Variants in DTNB observed in about 807,000 individuals in gnomAD.
The protein encoded by DTNB is DTN-B.
A neutral mutation model predicts 90.7 loss-of-function variants in DTNB; 63 were observed. The ratio of observed to expected loss-of-function variants is 0.69; its 90% CI spans 0.57 to 0.86. DTNB has a LOEUF of 0.86. Among genes scored for constraint, DTNB ranks in the 40% least tolerant of loss-of-function variants. The pLI, the probability that DTNB is intolerant of heterozygous loss-of-function variation, is 0.00. For missense variants in DTNB, 744 were observed against 807.1 expected (o/e 0.92, Z 0.95); for synonymous variants, 277 against 286.7 (o/e 0.97, Z 0.34).
Position 25,387,301 on chromosome 2 carries a change from C to T in DTNB, c.1813G>A (p.Glu605Lys). ...CTCTGGGTTTCACCTGAATGGAGCT[C>T]CTTCACCAGGGATGACATGGTGTTG... ...ITNTMSSLVK[E>K]LHSAEEGAEE... The change falls in exon 18 of 21, where the codon GAG becomes AAG. Residue 605 changes from glutamate to lysine, a missense_variant. Physicochemically the swap from Glu to Lys is moderately conservative, Grantham distance 56 (BLOSUM62 1). Transcript: ENST00000406818. This position sits in a 1 kb window ranked among gnomAD's most constrained non-coding sequence, Gnocchi z 4.5. 2.5e-6 allele frequency: 4 copies of T among 1,610,442 alleles called. No homozygotes were observed. Among genetic ancestry groups the T allele is most frequent in the Non-Finnish European group, 3.4e-6 (4 of 1,178,578 alleles).
intron 3 of DTNB, among the ~76,000 whole-genome samples, chr2:25,635,369 G>C (rs1403681788): frequency 6.6e-6 from 1 of 152,190 alleles, no homozygotes. Context: ...GGAGGTTGCA[G>C]TGAGCCAAGA....
intron 9 of DTNB, among the ~76,000 whole-genome samples, chr2:25,518,862 T>C (rs2075640797): frequency 6.6e-6 from 1 of 152,130 alleles, no homozygotes; most frequent in South Asian, 2.1e-4. Flanking sequence ...TTCCTCACCT[T>C]CTAGGTTTTC....
At chr2:25,610,756 C>G (rs2068407840) in intron 4 of DTNB, among the ~76,000 whole-genome samples, 1 of 151,678 alleles carries the variant, frequency 6.6e-6, no homozygotes, top group Non-Finnish European at 1.5e-5. Flanking sequence ...GTTGCCCAGG[C>G]TGGAGTGCAG....
At chr2:25,420,945 CTG>C (rs1558450395) in intron 15 of DTNB, among the ~76,000 whole-genome samples, 1 of 152,232 alleles carries the variant, frequency 6.6e-6, no homozygotes, top group Non-Finnish European at 1.5e-5. Context: ...CTCATCTACT[CTG>C]TCTTTTAATG....
intron 10 of DTNB, among the ~76,000 whole-genome samples, chr2:25,462,195 C>T (rs558714017): frequency 6.6e-6 from 1 of 152,288 alleles, no homozygotes; most frequent in African/African-American, 2.4e-5. Context: ...GAGAACTGCT[C>T]TCTAAGAGAT....
At chr2:25,416,446 C>T (rs137991161) in intron 16 of DTNB, among the ~76,000 whole-genome samples, 4 of 152,266 alleles carry the variant, frequency 2.6e-5, no homozygotes, top group African/African-American at 4.8e-5. Context: ...CCAATGCGGG[C>T]GGATCAACTG....
intron 15 of DTNB, among the ~76,000 whole-genome samples, chr2:25,419,770 G>A (rs183418218): frequency 1.5e-3 from 227 of 152,246 alleles, no homozygotes; most frequent in Admixed American, 3.7e-3. Context: ...GAGCTAGAAG[G>A]AAAGAACCTT....
intron 16 of DTNB, among the ~76,000 whole-genome samples, chr2:25,400,340 T>C (rs1437723026): frequency 6.6e-6 from 1 of 152,212 alleles, no homozygotes; most frequent in East Asian, 1.9e-4. Context: ...ACTGTGCAAA[T>C]GCACCTCGTC....
At chr2:25,415,240 G>A (rs2047596361) in intron 16 of DTNB, among the ~76,000 whole-genome samples, 1 of 143,606 alleles carries the variant, frequency 7.0e-6, no homozygotes, top group South Asian at 2.2e-4. Context: ...TGGCATAAGA[G>A]CTTCTTTTTT....
At position 25,552,947 on chromosome 2, in the gene DTNB, G is replaced by A. The variant is rs185822171; in HGVS notation, c.877-21350C>T. Among the ~76,000 whole-genome samples the A allele has an allele frequency of 7.1e-3, 936 of 131,626 alleles. 3 individuals are homozygous for A. Among genetic ancestry groups the A allele is most frequent in the Middle Eastern group, 0.019 (4 of 214 alleles). The allele number at this position is 131,626 out of a possible 152,430, so 86.4% of individuals were successfully genotyped here. On this transcript the variant is annotated intron_variant, in intron 8 of 20. Coordinates refer to ENST00000406818, the MANE Select transcript of DTNB (RefSeq NM_021907.5). Reference sequence around the variant, plus strand: ...GCAATCTCGGCTCACTGCAAGCTCCGCTTCCCGGGTTCACGCCATTCTCCT... The same window carrying A: ...GCAATCTCGGCTCACTGCAAGCTCCACTTCCCGGGTTCACGCCATTCTCCT...
intron 8 of DTNB, among the ~76,000 whole-genome samples, chr2:25,536,406 T>C (rs1466718841): frequency 2.0e-5 from 3 of 152,128 alleles, no homozygotes; most frequent in African/African-American, 4.8e-5. Context: ...CACTCCAGCC[T>C]GGGCAACATT....
At chr2:25,408,323 A>C (rs1187822326) in intron 16 of DTNB, among the ~76,000 whole-genome samples, 1 of 151,292 alleles carries the variant, frequency 6.6e-6, no homozygotes, top group Non-Finnish European at 1.5e-5. Flanking sequence ...AAAAAAAAAG[A>C]GTTCGAGACC....
chr2:25,608,109 A>C (rs1377370253), intron 4 of DTNB, among the ~76,000 whole-genome samples: 1 of 152,242 alleles, frequency 6.6e-6, no homozygotes, highest in African/African-American at 2.4e-5. Context: ...TGGTTGTTAA[A>C]GTTATCACAG....
intron 8 of DTNB, among the ~76,000 whole-genome samples, chr2:25,565,563 A>C (rs1278172804): frequency 6.6e-6 from 1 of 152,060 alleles, no homozygotes; most frequent in Admixed American, 6.5e-5. Flanking sequence ...TTTTTCATAG[A>C]TGTCCTTTTT....
At chr2:25,414,549 T>C (rs1363602346) in intron 16 of DTNB, among the ~76,000 whole-genome samples, 2 of 152,220 alleles carry the variant, frequency 1.3e-5, no homozygotes, top group Non-Finnish European at 2.9e-5. Flanking sequence ...CCACCATGCC[T>C]GGCCCAGATT....
Position 25,424,491 on chromosome 2 carries a change from A to G in DTNB, c.1554+3044T>C, listed in dbSNP as rs1288781419. ...ACTAAGACAATCCAACTGAAAGGCAATGGTACAAGGTTACTTAGGGGAGAT... is the reference window on the plus strand; with the variant it reads ...ACTAAGACAATCCAACTGAAAGGCAGTGGTACAAGGTTACTTAGGGGAGAT... On this transcript the variant is annotated intron_variant, in intron 15 of 20. Coordinates refer to ENST00000406818, the MANE Select transcript of DTNB (RefSeq NM_021907.5). This position sits in a 1 kb window ranked among gnomAD's most constrained non-coding sequence, Gnocchi z 4.1. Among the ~76,000 whole-genome samples, 2 of 152,244 alleles carry G rather than the reference A, an allele frequency of 1.3e-5. No individual in the cohort carries two copies. Among genetic ancestry groups the G allele is most frequent in the East Asian group, 3.9e-4 (2 of 5,188 alleles).
At chr2:25,580,203 A>G (rs2061356731) in intron 7 of DTNB, among the ~76,000 whole-genome samples, 1 of 151,654 alleles carries the variant, frequency 6.6e-6, no homozygotes. Flanking sequence ...GCTGGCTGGA[A>G]CTCCTGATCA....
intron 8 of DTNB, among the ~76,000 whole-genome samples, chr2:25,575,792 C>T (rs2060565946): frequency 6.6e-6 from 1 of 152,092 alleles, no homozygotes; most frequent in Non-Finnish European, 1.5e-5. Flanking sequence ...TTTAGCAAAC[C>T]ACCAACCAAC....
intron 14 of DTNB, among the ~76,000 whole-genome samples, chr2:25,429,986 T>C (rs566705694): frequency 1.3e-5 from 2 of 152,196 alleles, no homozygotes; most frequent in East Asian, 3.8e-4. Context: ...TGTTTTGTCC[T>C]ACACTCCATC....
Sources: gnomAD v4.1 joint callset for allele counts (sites outside exome capture counted in the v4.1 genomes callset) on GRCh38, gnomAD v4.1.1 for gene constraint, Gnocchi (gnomAD v3.1) non-coding constraint, MANE v1.5 for transcripts, NCBI Gene and HGNC (gene_info 2026-07-23, HGNC 2026-07-21) for gene names.